DNAH8: variants seen among roughly 807,000 people sequenced by gnomAD.
DNAH8 encodes the protein dynein axonemal heavy chain 8, also known as axonemal beta dynein heavy chain 8.
A neutral mutation model predicts 562.1 loss-of-function variants in DNAH8; 382 were observed. That is an observed-to-expected ratio of 0.68 (90% CI 0.63 to 0.74). The LOEUF (loss-of-function observed/expected upper bound fraction) is 0.74, where lower values mean the gene tolerates loss of function less well. Ranked by LOEUF, DNAH8 falls within the 30% of genes least tolerant of loss-of-function variation. The pLI, the probability that DNAH8 is intolerant of heterozygous loss-of-function variation, is 0.00. For missense variants in DNAH8, 5,203 were observed against 5,620.4 expected (o/e 0.93, Z 2.37); for synonymous variants, 1,881 against 1,919.4 (o/e 0.98, Z 0.52).
At chr6:38,788,603 A>G (rs771628788) in intron 18 of DNAH8, among the ~76,000 whole-genome samples, 3 of 152,170 alleles carry the variant, frequency 2.0e-5, no homozygotes, top group Non-Finnish European at 4.4e-5. Context: ...GCATCTATTC[A>G]GATCCTTTGC....
chr6:38,980,861 A>T (rs1763986839), intron 85 of DNAH8, among the ~76,000 whole-genome samples: 1 of 152,082 alleles, frequency 6.6e-6, no homozygotes, highest in East Asian at 1.9e-4. Flanking sequence ...ATACCCTGAA[A>T]CTCAGTAATT....
intron 58 of DNAH8, among the ~76,000 whole-genome samples, chr6:38,892,150 C>A (rs1293815903): frequency 3.3e-5 from 5 of 152,154 alleles, no homozygotes; most frequent in Admixed American, 2.0e-4. Flanking sequence ...CCTCTAAACA[C>A]TGAAATGCAC....
chr6:38,868,002 CG>C, intron 47 of DNAH8, 59 bp from the exon 48 acceptor site: 1 of 1,538,054 alleles, frequency 6.5e-7, no homozygotes, highest in East Asian at 2.3e-5. Context: ...TAGAGTGAGC[CG>C]TGAGTCTATG....
intron 48 of DNAH8, among the ~76,000 whole-genome samples, chr6:38,869,995 G>T (rs1473989547): frequency 3.3e-5 from 5 of 152,204 alleles, no homozygotes; most frequent in Non-Finnish European, 7.3e-5. Context: ...TCACAATCAT[G>T]CTGGGAGGTG....
rs143005760 is a variant in DNAH8, at chr6:38,719,350, C to T, written c.-34-3426C>T. On this transcript the variant is annotated intron_variant, in intron 1 of 92. Coordinates refer to ENST00000327475, the MANE Select transcript of DNAH8 (RefSeq NM_001206927.2). Reference sequence around the variant, plus strand: ...TGTCACCCAGATAGTGAGCATAGTACCCAATAGGTAGTTTTCCAACCCTAA... The same window carrying T: ...TGTCACCCAGATAGTGAGCATAGTATCCAATAGGTAGTTTTCCAACCCTAA... Among the ~76,000 whole-genome samples, 10 of 152,220 alleles carry T rather than the reference C, an allele frequency of 6.6e-5. No homozygotes were observed. In the East Asian group the frequency reaches 1.4e-3, roughly 21 times the overall value.
At chr6:38,913,126 A>G (rs533622550) in intron 66 of DNAH8, among the ~76,000 whole-genome samples, 5 of 152,238 alleles carry the variant, frequency 3.3e-5, no homozygotes, top group East Asian at 1.9e-4. Context: ...TCTTATATCA[A>G]TGTTCTTGAG....
intron 21 of DNAH8, among the ~76,000 whole-genome samples, chr6:38,792,637 T>C (rs1458691832): frequency 6.6e-6 from 1 of 152,170 alleles, no homozygotes; most frequent in Non-Finnish European, 1.5e-5. Context: ...TTCAGCATTG[T>C]TATGTTGAAA....
intron 33 of DNAH8, among the ~76,000 whole-genome samples, chr6:38,841,145 G>A (rs895938107): frequency 6.6e-6 from 1 of 152,064 alleles, no homozygotes; most frequent in Non-Finnish European, 1.5e-5. Flanking sequence ...TGGGCTGGGT[G>A]CCGTAGCTCA....
intron 52 of DNAH8, among the ~76,000 whole-genome samples, chr6:38,874,068 TTTTCTTTCTTTCTTTCTTTCTTTCTTTC>T (rs1554124175): frequency 8.8e-5 from 5 of 57,076 alleles, no homozygotes; most frequent in African/African-American, 3.2e-4. Context: ...CTTTCTTTCT[TTTTCTTTCTTTCTTTCTTTCTTTCTTTC>T]TCTTTCTCCT....
intron 88 of DNAH8, among the ~76,000 whole-genome samples, chr6:38,998,858 G>A (rs1765305963): frequency 6.6e-6 from 1 of 152,196 alleles, no homozygotes; most frequent in Non-Finnish European, 1.5e-5. Context: ...CTTCATCTCA[G>A]AGCATTTATG....
intron 59 of DNAH8, 31 bp downstream of exon 59, chr6:38,894,895 A>T (rs757502354): frequency 3.1e-6 from 5 of 1,590,500 alleles, no homozygotes; most frequent in Non-Finnish European, 4.3e-6. Context: ...GTTTAAATGT[A>T]TGACCTGAGA....
At chr6:38,903,611 C>CTTT (rs1561841100) in intron 62 of DNAH8, among the ~76,000 whole-genome samples, 6 of 137,180 alleles carry the variant, frequency 4.4e-5, no homozygotes, top group East Asian at 4.2e-4. Context: ...TTTCTTTCTT[C>CTTT]CTTTTTTTTT....
intron 44 of DNAH8, among the ~76,000 whole-genome samples, chr6:38,862,993 T>C (rs137993423): frequency 0.011 from 1,603 of 152,316 alleles, 26 homozygotes; most frequent in African/African-American, 0.036. Flanking sequence ...GGTGATCTTA[T>C]GTAGGTCCAA....
chr6:38,928,825 G>T (rs1213542279), intron 74 of DNAH8, among the ~76,000 whole-genome samples: 3 of 151,962 alleles, frequency 2.0e-5, no homozygotes, highest in Non-Finnish European at 1.5e-5. Context: ...GTGAAGTAAG[G>T]GTTCAAATCC....
chr6:38,857,652 G>A lies in DNAH8; in HGVS notation c.5868G>A (p.Gln1956=). 1 of 1,613,680 alleles carries A rather than the reference G, an allele frequency of 6.2e-7. No individual in the cohort carries two copies. Among genetic ancestry groups the A allele is most frequent in the Non-Finnish European group, 8.5e-7 (1 of 1,179,676 alleles). ...ATATTCTAAATACTCTCATTAGTCA[G>A]ACAACACATGATCTAAGCAAGTTTG... ...FLDILNTLIS[Q]TTHDLSKFDR... Residue 1956 remains glutamine (Q), a synonymous_variant, in exon 42 of 93, where the codon CAG becomes CAA. Transcript: ENST00000327475.
At chr6:38,987,355 A>G (rs1363051378) in intron 87 of DNAH8, among the ~76,000 whole-genome samples, 1 of 152,184 alleles carries the variant, frequency 6.6e-6, no homozygotes, top group Non-Finnish European at 1.5e-5. Context: ...TTTGGGCCAC[A>G]GAGGACTAGT....
At chr6:38,777,675 C>T (rs1344282162) in intron 13 of DNAH8, among the ~76,000 whole-genome samples, 2 of 152,110 alleles carry the variant, frequency 1.3e-5, no homozygotes, top group Non-Finnish European at 2.9e-5. Context: ...TCAAGCTATC[C>T]TCCCATCTCC....
intron 23 of DNAH8, 123 bp downstream of exon 23, chr6:38,805,719 A>C: frequency 1.7e-6 from 1 of 572,652 alleles, no homozygotes; most frequent in Non-Finnish European, 3.1e-6. Context: ...CAAAATACAG[A>C]AAGTATAATT....
chr6:38,810,472 G>A (rs1583065249), intron 24 of DNAH8, among the ~76,000 whole-genome samples: 1 of 152,074 alleles, frequency 6.6e-6, no homozygotes, highest in South Asian at 2.1e-4. Context: ...CACGCCTGTA[G>A]TCCCAGCTGC....
Sources: gnomAD v4.1 joint callset for allele counts (sites outside exome capture counted in the v4.1 genomes callset) on GRCh38, gnomAD v4.1.1 for gene constraint, MANE v1.5 for transcripts, NCBI Gene and HGNC (gene_info 2026-07-23, HGNC 2026-07-21) for gene names.